The following PCSK5 variants were observed in gnomAD, a reference collection of about 807,000 sequenced individuals.
The protein encoded by PCSK5 is prohormone convertase 5.
A neutral mutation model predicts 233.2 loss-of-function variants in PCSK5; 129 were observed. The observed-to-expected ratio is 0.55, with a 90% CI of 0.48 to 0.64. The LOEUF is 0.64. PCSK5 is among the 30% of genes least tolerant of loss of function. The probability of loss-of-function intolerance (pLI) is 0.00; values close to 1 mark genes in which losing one functional copy is unlikely to be tolerated. For synonymous variants in PCSK5, 825 were observed against 879.2 expected (o/e 0.94, Z 1.09); for missense variants, 2,076 against 2,430.1 (o/e 0.85, Z 3.06).
At chr9:75,906,003 G>A (rs1564072783) in intron 1 of PCSK5, among the ~76,000 whole-genome samples, 1 of 152,164 alleles carries the variant, frequency 6.6e-6, no homozygotes. Context: ...TATTTTATCA[G>A]CCATTCTACT....
chr9:76,028,915 G>C (rs1042661165), intron 5 of PCSK5, among the ~76,000 whole-genome samples: 9 of 152,168 alleles, frequency 5.9e-5, no homozygotes, highest in Non-Finnish European at 1.5e-5. Context: ...GGAGTCGGTT[G>C]GGTCTGATCT....
intron 12 of PCSK5, among the ~76,000 whole-genome samples, chr9:76,166,506 G>A (rs1409552525): frequency 6.6e-6 from 1 of 152,216 alleles, no homozygotes; most frequent in East Asian, 1.9e-4. Flanking sequence ...TAATCCAGCA[G>A]TCAAATCATT....
At chr9:76,129,022 GTTTTTC>G (rs1318250002) in intron 9 of PCSK5, among the ~76,000 whole-genome samples, 4 of 152,118 alleles carry the variant, frequency 2.6e-5, no homozygotes, top group African/African-American at 9.7e-5. Context: ...AAAGAGGATT[GTTTTTC>G]TTTGTTGGAC....
chr9:75,921,717 CTATAAA>C (rs1213718233), intron 1 of PCSK5, among the ~76,000 whole-genome samples: 1 of 152,124 alleles, frequency 6.6e-6, no homozygotes, highest in Non-Finnish European at 1.5e-5. Flanking sequence ...GAATGGCTGA[CTATAAA>C]TAGCAGTAAT....
intron 1 of PCSK5, among the ~76,000 whole-genome samples, chr9:75,900,192 A>C (rs373498242): frequency 6.6e-6 from 1 of 152,144 alleles, no homozygotes; most frequent in South Asian, 2.1e-4. Context: ...TTGAAACCTA[A>C]TACTGCTCCT....
At chr9:76,276,712 AC>A (rs1827699064) in intron 24 of PCSK5, among the ~76,000 whole-genome samples, 1 of 151,666 alleles carries the variant, frequency 6.6e-6, no homozygotes, top group Admixed American at 6.6e-5. Context: ...TCTCCTCTCC[AC>A]CCCAGTCTCA....
chr9:76,338,137 C>T, intron 34 of PCSK5, 93 bp from the exon 35 acceptor site: 1 of 829,070 alleles, frequency 1.2e-6, no homozygotes, highest in Admixed American at 2.2e-5. Context: ...AGTCACTCAG[C>T]TTGTAAATGA....
intron 1 of PCSK5, among the ~76,000 whole-genome samples, chr9:75,930,444 G>A (rs568310901): frequency 6.6e-6 from 1 of 152,252 alleles, no homozygotes; most frequent in South Asian, 2.1e-4. Flanking sequence ...TAGATGAAGC[G>A]TACGGAATAG....
chr9:76,059,112 A>C (rs1829934241), intron 5 of PCSK5, among the ~76,000 whole-genome samples: 1 of 152,252 alleles, frequency 6.6e-6, no homozygotes, highest in African/African-American at 2.4e-5. Flanking sequence ...TGAGCAAGTT[A>C]CACAGAATGC....
chr9:76,226,539 T>A lies in PCSK5; in HGVS notation c.2627-964T>A, dbSNP rs79087576. ...CTCACCCCACCAGCTGGATCTCAGATTGACAGTGTTCAGACATGGCTTATG... is the reference window on the plus strand; with the variant it reads ...CTCACCCCACCAGCTGGATCTCAGAATGACAGTGTTCAGACATGGCTTATG... On this transcript the variant is annotated intron_variant, in intron 20 of 37. Coordinates refer to ENST00000674117, the MANE Select transcript of PCSK5 (RefSeq NM_001372043.1). 8.4e-3 allele frequency among the ~76,000 whole-genome samples: 1,285 copies of A among 152,224 alleles called. 15 individuals carry two copies. Among genetic ancestry groups the A allele is most frequent in the African/African-American group, 0.03 (1,227 of 41,522 alleles).
At chr9:76,273,520 G>A (rs1827592232) in intron 24 of PCSK5, among the ~76,000 whole-genome samples, 1 of 146,828 alleles carries the variant, frequency 6.8e-6, no homozygotes. Flanking sequence ...TGGTTATTCT[G>A]TAATTTCACT....
At chr9:76,312,601 ATATAAGT>A (rs546914461) in intron 30 of PCSK5, among the ~76,000 whole-genome samples, 17 of 152,258 alleles carry the variant, frequency 1.1e-4, no homozygotes, top group African/African-American at 3.4e-4. Context: ...TAGAGTATAA[ATATAAGT>A]TATGAGTATA....
chr9:75,974,618 CT>C, intron 2 of PCSK5, among the ~76,000 whole-genome samples: 1 of 152,244 alleles, frequency 6.6e-6, no homozygotes, highest in Non-Finnish European at 1.5e-5. Flanking sequence ...CAAAACACCC[CT>C]GCCCTTTCTG....
chr9:76,080,489 AT>A (rs1830796227), intron 7 of PCSK5, among the ~76,000 whole-genome samples: 3 of 152,346 alleles, frequency 2.0e-5, no homozygotes, highest in African/African-American at 7.2e-5. Context: ...GAGTGAATGA[AT>A]TTATAAATGA....
At chr9:75,934,574 T>G (rs1823963740) in intron 2 of PCSK5, among the ~76,000 whole-genome samples, 1 of 151,666 alleles carries the variant, frequency 6.6e-6, no homozygotes, top group African/African-American at 2.4e-5. Flanking sequence ...TAAGTTTTTT[T>G]GTTTTTTTTT....
intron 10 of PCSK5, among the ~76,000 whole-genome samples, chr9:76,152,131 T>G (rs2131801501): frequency 6.6e-6 from 1 of 152,292 alleles, no homozygotes; most frequent in East Asian, 1.9e-4. Context: ...AGGAACTAGA[T>G]TATTGATATT....
intron 9 of PCSK5, among the ~76,000 whole-genome samples, chr9:76,126,168 TGC>T (rs68125982): frequency 0.51 from 71,076 of 139,458 alleles, 17,076 homozygotes; most frequent in Admixed American, 0.53. Context: ...GATTTTTTCC[TGC>T]GTGTGTGTGT....
chr9:76,251,356 G>A (rs964548784), intron 24 of PCSK5, among the ~76,000 whole-genome samples: 6 of 152,072 alleles, frequency 3.9e-5, no homozygotes, highest in Non-Finnish European at 5.9e-5. Context: ...GAGGTCAGAA[G>A]TTCAAGACCA....
intron 24 of PCSK5, among the ~76,000 whole-genome samples, chr9:76,249,145 T>G (rs2131342036): frequency 6.6e-6 from 1 of 152,372 alleles, no homozygotes; most frequent in South Asian, 2.1e-4. Flanking sequence ...CACTTGTCGA[T>G]GTTTCAGACA....
Sources: gnomAD v4.1 joint callset for allele counts (sites outside exome capture counted in the v4.1 genomes callset) on GRCh38, gnomAD v4.1.1 for gene constraint, MANE v1.5 for transcripts, NCBI Gene and HGNC (gene_info 2026-07-23, HGNC 2026-07-21) for gene names.